Variants in SDK1 observed in about 807,000 individuals in gnomAD.
SDK1 encodes the protein sidekick cell adhesion molecule 1, also known as protein sidekick-1.
Under a neutral mutation model 245.5 loss-of-function variants are expected in SDK1, and 157 were observed. The ratio of observed to expected loss-of-function variants is 0.64; its 90% CI spans 0.56 to 0.73. The LOEUF (loss-of-function observed/expected upper bound fraction) is 0.73. Among genes scored for constraint, SDK1 ranks in the 30% least tolerant of loss-of-function variants. The pLI is 0.00. For missense variants in SDK1, 3,583 were observed against 3,002.3 expected (o/e 1.19, Z -4.52); for synonymous variants, 1,647 against 1,278.5 (o/e 1.29, Z -6.15).
chr7:4,081,183 A>G (rs1322765073), intron 22 of SDK1, among the ~76,000 whole-genome samples: 2 of 152,196 alleles, frequency 1.3e-5, no homozygotes, highest in African/African-American at 4.8e-5. Flanking sequence ...CAGCGTCTTC[A>G]GGGCTCAACA....
chr7:4,250,548 T>C (rs912082696), intron 44 of SDK1, among the ~76,000 whole-genome samples: 1 of 152,156 alleles, frequency 6.6e-6, no homozygotes, highest in Non-Finnish European at 1.5e-5. Flanking sequence ...TTTTGCCATA[T>C]TGGCCAGGCT....
intron 1 of SDK1, among the ~76,000 whole-genome samples, chr7:3,513,898 C>A (rs1235920329): frequency 6.6e-6 from 1 of 152,044 alleles, no homozygotes; most frequent in Admixed American, 6.6e-5. Context: ...TTTTTCTGTT[C>A]TTGCATTAAT....
At chr7:3,941,907 C>CTTTTTT (rs72338979) in intron 5 of SDK1, among the ~76,000 whole-genome samples, 3 of 128,220 alleles carry the variant, frequency 2.3e-5, no homozygotes, top group Admixed American at 8.0e-5. Context: ...AGACTTCATT[C>CTTTTTT]TTTTTTTTTT....
intron 4 of SDK1, among the ~76,000 whole-genome samples, chr7:3,813,570 A>T (rs1394809989): frequency 6.6e-6 from 1 of 150,876 alleles, no homozygotes; most frequent in African/African-American, 2.5e-5. Context: ...CGCAGTAAAC[A>T]TACATGTGCA....
intron 1 of SDK1, among the ~76,000 whole-genome samples, chr7:3,471,448 A>G (rs1221684432): frequency 6.6e-6 from 1 of 152,182 alleles, no homozygotes; most frequent in East Asian, 1.9e-4. Context: ...ATTTCACACC[A>G]TTATTTTTAA....
chr7:4,089,605 G>A (rs1465422955), intron 22 of SDK1, among the ~76,000 whole-genome samples: 3 of 152,196 alleles, frequency 2.0e-5, no homozygotes, highest in Non-Finnish European at 4.4e-5. Context: ...GGCTGTCTCT[G>A]AGTGTCCAGG....
At chr7:3,532,383 G>T (rs1470059657) in intron 1 of SDK1, among the ~76,000 whole-genome samples, 1 of 152,148 alleles carries the variant, frequency 6.6e-6, no homozygotes, top group African/African-American at 2.4e-5. Flanking sequence ...TCCCACTTTG[G>T]TTCTGGCTTT....
chr7:3,757,608 A>T (rs2114985558), intron 4 of SDK1, among the ~76,000 whole-genome samples: 1 of 152,236 alleles, frequency 6.6e-6, no homozygotes, highest in Admixed American at 6.5e-5. Context: ...AATTGAGGAG[A>T]TGCATAGGGC....
At chr7:3,807,188 C>T (rs866730226) in intron 4 of SDK1, among the ~76,000 whole-genome samples, 11 of 152,168 alleles carry the variant, frequency 7.2e-5, no homozygotes, top group Non-Finnish European at 1.0e-4. Context: ...ATGGACGGAA[C>T]CCAGGGCTCA....
At chr7:3,341,025 G>T (rs1363315987) in intron 1 of SDK1, among the ~76,000 whole-genome samples, 1 of 152,102 alleles carries the variant, frequency 6.6e-6, no homozygotes, top group African/African-American at 2.4e-5. Context: ...AAGTCATTTT[G>T]TGAGTCTAGT....
chr7:3,761,806 A>G (rs1219459703), intron 4 of SDK1, among the ~76,000 whole-genome samples: 2 of 152,198 alleles, frequency 1.3e-5, no homozygotes, highest in Admixed American at 6.5e-5. Flanking sequence ...ACTGACAACA[A>G]AAATCATAAG....
At chr7:4,140,384 C>G (rs1779502035) in intron 28 of SDK1, among the ~76,000 whole-genome samples, 1 of 152,154 alleles carries the variant, frequency 6.6e-6, no homozygotes, top group Admixed American at 6.5e-5. Flanking sequence ...ATGCTGGAGG[C>G]GTGGCTCTGG....
chr7:4,157,474 G>GAAGGA (rs1554368249), intron 30 of SDK1, among the ~76,000 whole-genome samples: 15 of 40,522 alleles, frequency 3.7e-4, no homozygotes, highest in African/African-American at 6.8e-4. Context: ...GAGAAGGAAG[G>GAAGGA]AGGGAAGGAA....
Position 4,193,307 on chromosome 7 carries a change from TTAA to T in SDK1, c.5099-12569_5099-12567del, listed in dbSNP as rs1329193006. 1.3e-4 allele frequency among the ~76,000 whole-genome samples: 17 copies of T among 135,608 alleles called. 1 individual carries two copies. Among genetic ancestry groups the T allele is most frequent in the Admixed American group, 4.7e-4 (6 of 12,850 alleles). The allele number at this position is 135,608 out of a possible 152,430, so 89.0% of individuals were successfully genotyped here. On this transcript the variant is annotated intron_variant, in intron 35 of 44. Coordinates refer to ENST00000404826, the MANE Select transcript of SDK1 (RefSeq NM_152744.4). ...ACATATAAAATTACATATAAAAATATTAATATATTTATACAATATATAAATATA... is the reference window on the plus strand; with the variant it reads ...ACATATAAAATTACATATAAAAATATTATATTTATACAATATATAAATATA...
intron 31 of SDK1, among the ~76,000 whole-genome samples, chr7:4,159,845 C>T (rs146316530): frequency 6.6e-6 from 1 of 152,242 alleles, no homozygotes; most frequent in Non-Finnish European, 1.5e-5. Flanking sequence ...CTAGATTACT[C>T]ATGAGAGCTC....
At chr7:3,920,115 A>T (rs999850144) in intron 5 of SDK1, among the ~76,000 whole-genome samples, 1 of 152,194 alleles carries the variant, frequency 6.6e-6, no homozygotes, top group South Asian at 2.1e-4. Context: ...AATGGCGGTG[A>T]GTTCACCCCC....
intron 4 of SDK1, among the ~76,000 whole-genome samples, chr7:3,786,754 C>A (rs1482020376): frequency 6.6e-6 from 1 of 152,124 alleles, no homozygotes. Flanking sequence ...CGTGATTTAA[C>A]TGTTACCTGT....
chr7:3,721,915 C>T (rs1778821991), intron 4 of SDK1, among the ~76,000 whole-genome samples: 1 of 152,166 alleles, frequency 6.6e-6, no homozygotes, highest in African/African-American at 2.4e-5. Flanking sequence ...TCATTATTAA[C>T]AGTAAATTAT....
At chr7:4,184,654 A>G (rs1357930795) in intron 35 of SDK1, among the ~76,000 whole-genome samples, 1 of 152,242 alleles carries the variant, frequency 6.6e-6, no homozygotes, top group Non-Finnish European at 1.5e-5. Context: ...GAGGAAGGAT[A>G]ATTTTTAGAT....
Sources: allele counts gnomAD v4.1 joint callset (sites outside exome capture counted in the v4.1 genomes callset), GRCh38; gene constraint gnomAD v4.1.1; transcripts MANE v1.5; gene names NCBI Gene and HGNC (gene_info 2026-07-23, HGNC 2026-07-21).